ANKFY1: variants seen among roughly 807,000 people sequenced by gnomAD.
ANKFY1 encodes the protein ankyrin repeat and FYVE domain-containing protein 1.
Under a neutral mutation model 128.3 loss-of-function variants are expected in ANKFY1, and 47 were observed. The ratio of observed to expected loss-of-function variants is 0.37; its 90% CI spans 0.29 to 0.47. The LOEUF (loss-of-function observed/expected upper bound fraction) is 0.47, where lower values mean the gene tolerates loss of function less well. ANKFY1 is among the 20% of genes least tolerant of loss of function. The pLI, the probability that ANKFY1 is intolerant of heterozygous loss-of-function variation, is 1.00. For synonymous variants in ANKFY1, 553 were observed against 601.6 expected, an observed-to-expected ratio of 0.92 and a Z score of 1.18; for missense variants, 1,222 against 1,510.6, an observed-to-expected ratio of 0.81 and a Z score of 3.17.
chr17:4,205,515 G>T (rs1430066976), intron 7 of ANKFY1, among the ~76,000 whole-genome samples: 2 of 152,176 alleles, frequency 1.3e-5, no homozygotes, highest in South Asian at 2.1e-4. Context: ...GGCCAAGGTG[G>T]GTGGATCACC....
At chr17:4,233,207 T>G (rs2060543519) in intron 3 of ANKFY1, among the ~76,000 whole-genome samples, 2 of 152,310 alleles carry the variant, frequency 1.3e-5, no homozygotes, top group South Asian at 4.1e-4. Flanking sequence ...AAGTCGAATA[T>G]TTTCCATATA....
chr17:4,250,649 T>C (rs1416956357), intron 1 of ANKFY1, among the ~76,000 whole-genome samples: 1 of 144,722 alleles, frequency 6.9e-6, no homozygotes, highest in African/African-American at 2.5e-5. Flanking sequence ...ACTGTGTTTG[T>C]AGAATTTGAA....
intron 11 of ANKFY1, chr17:4,187,056 A>C (rs1430716253): frequency 8.2e-7 from 1 of 1,215,176 alleles, no homozygotes; most frequent in Non-Finnish European, 1.0e-6. Flanking sequence ...GGTTCCACGG[A>C]TAAGTTCTTC....
At chr17:4,180,217 C>T in intron 16 of ANKFY1, 1 of 230,342 alleles carries the variant, frequency 4.3e-6, no homozygotes, top group Non-Finnish European at 8.6e-6. Flanking sequence ...CACCTCAGGT[C>T]AGGAGTCCAC....
chr17:4,186,938 A>T, intron 11 of ANKFY1: 2 of 1,165,872 alleles, frequency 1.7e-6, no homozygotes, highest in Non-Finnish European at 2.1e-6. Context: ...ATTTATTCCC[A>T]CACACAGGCT....
intron 3 of ANKFY1, among the ~76,000 whole-genome samples, chr17:4,235,185 A>G (rs1445997140): frequency 2.0e-5 from 3 of 152,002 alleles, no homozygotes; most frequent in African/African-American, 7.2e-5. Flanking sequence ...TCTACTAAAA[A>G]TACAAAAATT....
chr17:4,232,273 G>T (rs563122261), intron 3 of ANKFY1, among the ~76,000 whole-genome samples: 1 of 152,044 alleles, frequency 6.6e-6, no homozygotes, highest in African/African-American at 2.4e-5. Context: ...TTGCTGCCAT[G>T]AAGTGTCAGT....
intron 3 of ANKFY1, chr17:4,222,652 A>T: frequency 1.1e-6 from 1 of 934,322 alleles, no homozygotes; most frequent in South Asian, 1.3e-5. Context: ...TAAACCAAGG[A>T]AAATGTGCAC....
intron 4 of ANKFY1, among the ~76,000 whole-genome samples, chr17:4,212,579 A>G (rs1360085149): frequency 2.0e-5 from 3 of 152,184 alleles, no homozygotes; most frequent in Non-Finnish European, 4.4e-5. Context: ...AAATCACAAA[A>G]GGAAATCACT....
In ANKFY1 at chr17:4,166,072, T is replaced by C. The variant is rs909690766; in HGVS notation, c.*1707A>G. 6.6e-6 allele frequency: 1 copy of C among 152,258 alleles called. No homozygotes were observed. The highest frequency in any genetic ancestry group is 1.5e-5 in the Non-Finnish European group (1 of 68,046). The allele number at this position is 152,258 out of a possible 1,614,324, so 9.4% of individuals were successfully genotyped here. On this transcript the variant is annotated 3_prime_UTR_variant, in exon 25 of 25. Coordinates refer to ENST00000341657, the MANE Select transcript of ANKFY1 (RefSeq NM_001330063.2). ...TCAGACTGGGGGACGGGGGATCTCT[T>C]CTAATTCATTGTTTTTCTTTTAAAC...
chr17:4,170,816 G>T lies in ANKFY1; in HGVS notation c.3185C>A (p.Ala1062Asp). ...GAGGCGAGCCCCCGACCGGACGATG[G>T]CGCGGCACAAGTTGGCGTTCCCTTT... is the stretch of plus-strand genomic sequence containing the variant. ...YMKGNANLCR[A>D]IVRSGARLGV... is the part of the protein sequence containing the mutation. The change falls in exon 23 of 25, where the codon GCC (alanine) becomes GAC (aspartate). Residue 1062 changes from alanine (A) to aspartate (D), a missense_variant. Ala to Asp is a moderately radical substitution (Grantham distance 126). Coordinates refer to ENST00000341657, the MANE Select transcript of ANKFY1 (RefSeq NM_001330063.2). 1 of 1,614,132 alleles carries T rather than the reference G, an allele frequency of 6.2e-7. No homozygotes were observed. Among genetic ancestry groups the T allele is most frequent in the South Asian group, 1.1e-5 (1 of 91,086 alleles).
rs1598136803 is a variant in ANKFY1 at position 4,242,312 on chromosome 17, G to C, written c.147C>G (p.Ser49=). 1 of 1,595,350 alleles carries C rather than the reference G, an allele frequency of 6.3e-7. No individual in the cohort carries two copies. Among genetic ancestry groups the C allele is most frequent in the East Asian group, 2.3e-5 (1 of 42,998 alleles). The change falls in exon 2 of 25, where the codon TCC becomes TCG. Residue 49 remains serine (S), a synonymous_variant. Transcript: ENST00000341657. ...CGATGGCCAGCAGACGGCTGATGAAGGACTCGCTGCTGCTCTCCTTGTTTG... is the reference window on the plus strand; with the variant it reads ...CGATGGCCAGCAGACGGCTGATGAACGACTCGCTGCTGCTCTCCTTGTTTG... ...AQANKESSSE[S]FISRLLAIVA... is the part of the protein sequence containing the mutation.
intron 1 of ANKFY1, among the ~76,000 whole-genome samples, chr17:4,243,707 T>C (rs986501529): frequency 1.8e-4 from 27 of 152,166 alleles, no homozygotes; most frequent in African/African-American, 5.1e-4. Context: ...CCTATCCTCC[T>C]TCAGGTGAGG....
chr17:4,248,485 A>G (rs573252171), intron 1 of ANKFY1, among the ~76,000 whole-genome samples: 68 of 152,314 alleles, frequency 4.5e-4, no homozygotes, highest in Admixed American at 4.2e-3. Flanking sequence ...AAGATTGGGG[A>G]CCACTGTCAG....
At chr17:4,217,158 T>C in intron 3 of ANKFY1, 40 bp from the exon 4 acceptor site, 1 of 1,601,292 alleles carries the variant, frequency 6.2e-7, no homozygotes, top group Non-Finnish European at 8.5e-7. Flanking sequence ...AAGCATAGAA[T>C]GACATGCTTA....
At chr17:4,240,766 A>G (rs1967169507) in intron 2 of ANKFY1, among the ~76,000 whole-genome samples, 1 of 152,180 alleles carries the variant, frequency 6.6e-6, no homozygotes, top group Admixed American at 6.5e-5. Context: ...TTTACTTCCT[A>G]GAAGACCAAG....
intron 1 of ANKFY1, among the ~76,000 whole-genome samples, chr17:4,257,855 T>C (rs971877427): frequency 2.0e-5 from 3 of 152,210 alleles, no homozygotes; most frequent in Non-Finnish European, 4.4e-5. Context: ...CAGATGGAGT[T>C]CAATAAATAC....
At chr17:4,209,001 G>A (rs2060076624) in intron 5 of ANKFY1, among the ~76,000 whole-genome samples, 1 of 151,958 alleles carries the variant, frequency 6.6e-6, no homozygotes, top group Non-Finnish European at 1.5e-5. Context: ...GGAGGTTGCA[G>A]GGAGCTGAGA....
In ANKFY1 at chr17:4,179,786, C is replaced by T; in HGVS notation, c.2332G>A (p.Ala778Thr). Residue 778 changes from alanine (A) to threonine (T), a missense_variant, in exon 17 of 25, where the codon GCC (alanine) becomes ACC (threonine). Coordinates refer to ENST00000341657, the MANE Select transcript of ANKFY1 (RefSeq NM_001330063.2). ...ACTGTCTCTTCCAGCCCCCAAGAGG[C>T]TGCCAAATGCAAAGGGGTCTGCCCA... Reference protein sequence around the residue: ...RDGQTPLHLAASWGLEETVQC... With the variant: ...RDGQTPLHLATSWGLEETVQC... 6.2e-7 allele frequency: 1 copy of T among 1,614,244 alleles called. No individual in the cohort carries two copies. Among genetic ancestry groups the T allele is most frequent in the African/African-American group, 1.3e-5 (1 of 75,060 alleles).
Sources: gnomAD v4.1 joint callset for allele counts (sites outside exome capture counted in the v4.1 genomes callset) on GRCh38, gnomAD v4.1.1 for gene constraint, MANE v1.5 for transcripts, NCBI Gene and HGNC (gene_info 2026-07-23, HGNC 2026-07-21) for gene names.